Variants in ITCH observed in about 807,000 individuals in gnomAD.
The protein encoded by ITCH is itchy E3 ubiquitin protein ligase.
Under a neutral mutation model 126.8 loss-of-function variants are expected in ITCH, and 28 were observed. The observed-to-expected ratio is 0.22, with a 90% CI of 0.16 to 0.30. The LOEUF (loss-of-function observed/expected upper bound fraction) is 0.30. Ranked by LOEUF, ITCH falls within the 10% of genes least tolerant of loss-of-function variation. The probability of loss-of-function intolerance (pLI) is 1.00; values close to 1 mark genes in which losing one functional copy is unlikely to be tolerated. For missense variants in ITCH, 631 were observed against 1,032.4 expected (o/e 0.61, Z 5.33); for synonymous variants, 342 against 340.0 (o/e 1.01, Z -0.06).
intron 2 of ITCH, among the ~76,000 whole-genome samples, chr20:34,391,161 C>T (rs1404982145): frequency 6.6e-6 from 1 of 152,130 alleles, no homozygotes; most frequent in African/African-American, 2.4e-5. Context: ...TTTTTTTCTA[C>T]TCTGTTTTAT....
intron 5 of ITCH, 42 bp from the exon 6 acceptor site, chr20:34,413,700 G>GA (rs1368344398): frequency 2.5e-6 from 4 of 1,583,882 alleles, no homozygotes; most frequent in Middle Eastern, 1.7e-4. Context: ...CCTTAACTGG[G>GA]AAAAAAGTGA....
At chr20:34,382,750 T>TATTATTATG (rs1156743495) in intron 2 of ITCH, among the ~76,000 whole-genome samples, 7 of 147,868 alleles carry the variant, frequency 4.7e-5, no homozygotes, top group Admixed American at 1.4e-4. Flanking sequence ...TTATTATTAT[T>TATTATTATG]ATTATTATTT....
At chr20:34,503,667 T>C (rs953835548) in intron 23 of ITCH, among the ~76,000 whole-genome samples, 1 of 152,154 alleles carries the variant, frequency 6.6e-6, no homozygotes, top group Non-Finnish European at 1.5e-5. Context: ...ATCATAACAA[T>C]GTGTTATTCC....
intron 3 of ITCH, among the ~76,000 whole-genome samples, chr20:34,394,480 T>A (rs1212651597): frequency 6.6e-6 from 1 of 152,176 alleles, no homozygotes; most frequent in Non-Finnish European, 1.5e-5. Flanking sequence ...TTTATTTACT[T>A]ATAACAATGA....
intron 6 of ITCH, among the ~76,000 whole-genome samples, chr20:34,420,618 A>C (rs962096532): frequency 1.3e-5 from 2 of 152,146 alleles, no homozygotes; most frequent in African/African-American, 4.8e-5. Context: ...AGAATTGCTG[A>C]TGCTTGTTTT....
At chr20:34,489,772 G>C (rs1989383163) in intron 21 of ITCH, 50 bp from the exon 22 acceptor site, 1 of 1,248,242 alleles carries the variant, frequency 8.0e-7, no homozygotes, top group African/African-American at 1.5e-5. Context: ...ATGTCCAGCT[G>C]TTTTTGTACA....
In ITCH at chr20:34,412,536, A is replaced by G. The variant is rs1979187279; in HGVS notation, c.234A>G (p.Lys78=). ...PLTVIVTPVS[K]LHFRVWSHQT... The stretch of plus-strand genomic sequence containing the variant: ...TTAGTATCGTTACCCCTGTGAGTAA[A>G]TTACATTTTCGTGTGTGGAGTCACC... Residue 78 remains lysine, a synonymous_variant, in exon 5 of 25, where the codon AAA becomes AAG. Transcript: ENST00000374864. The G allele has an allele frequency of 6.2e-7, 1 of 1,601,444 alleles. No homozygotes were observed. The highest frequency in any genetic ancestry group is 8.6e-7 in the Non-Finnish European group (1 of 1,168,700).
At chr20:34,385,639 T>A (rs1321363953) in intron 2 of ITCH, among the ~76,000 whole-genome samples, 1 of 152,182 alleles carries the variant, frequency 6.6e-6, no homozygotes, top group Non-Finnish European at 1.5e-5. Flanking sequence ...AGCAAATGAA[T>A]GCTAAAAGTT....
Position 34,508,017 on chromosome 20 carries a change from T to C in ITCH, c.*223T>C. 3 of 501,450 alleles carry C rather than the reference T, an allele frequency of 6.0e-6. No homozygotes were observed. The South Asian group carries it at 6.2e-5, about 10-fold the overall frequency. The allele number at this position is 501,450 out of a possible 1,614,324, so 31.1% of individuals were successfully genotyped here. On this transcript the variant is annotated 3_prime_UTR_variant, in exon 25 of 25. Coordinates refer to ENST00000374864, the MANE Select transcript of ITCH (RefSeq NM_031483.7). Reference sequence around the variant, plus strand: ...AGTCAGAACCTTGCTTAACATGAGATTTTAACACAACAATGAAATTTGCCT... The same window carrying C: ...AGTCAGAACCTTGCTTAACATGAGACTTTAACACAACAATGAAATTTGCCT...
At chr20:34,490,609 C>T in intron 22 of ITCH, among the ~76,000 whole-genome samples, 1 of 152,196 alleles carries the variant, frequency 6.6e-6, no homozygotes, top group Non-Finnish European at 1.5e-5. Flanking sequence ...CACTACTGCA[C>T]TCCAGCCTGG....
intron 12 of ITCH, among the ~76,000 whole-genome samples, chr20:34,456,432 A>G (rs1245087726): frequency 6.7e-6 from 1 of 148,638 alleles, no homozygotes; most frequent in South Asian, 2.1e-4. Context: ...TTTGTTCAAC[A>G]TGTCTCAAAA....
intron 1 of ITCH, among the ~76,000 whole-genome samples, chr20:34,368,042 G>C (rs535980899): frequency 3.3e-5 from 5 of 152,188 alleles, no homozygotes; most frequent in Admixed American, 2.0e-4. Flanking sequence ...AGGCTGAAGC[G>C]GGCAGATCAC....
At chr20:34,370,910 T>G (rs1458970347) in intron 2 of ITCH, among the ~76,000 whole-genome samples, 1 of 152,124 alleles carries the variant, frequency 6.6e-6, no homozygotes, top group Non-Finnish European at 1.5e-5. Flanking sequence ...GGCTCACGCC[T>G]GTAATTCCAG....
intron 3 of ITCH, among the ~76,000 whole-genome samples, chr20:34,406,173 G>A (rs902300682): frequency 2.0e-5 from 3 of 151,572 alleles, no homozygotes; most frequent in Non-Finnish European, 2.9e-5. Context: ...ACAGGTGCAC[G>A]CCATCATGCC....
chr20:34,506,056 C>T (rs1990600737), intron 24 of ITCH, among the ~76,000 whole-genome samples: 1 of 151,976 alleles, frequency 6.6e-6, no homozygotes, highest in Non-Finnish European at 1.5e-5. Flanking sequence ...ATCACCATCA[C>T]CTATCTCCAA....
chr20:34,416,457 C>G (rs1021397985), intron 6 of ITCH, among the ~76,000 whole-genome samples: 1 of 152,100 alleles, frequency 6.6e-6, no homozygotes, highest in Non-Finnish European at 1.5e-5. Flanking sequence ...TTATGAATGT[C>G]ATCTCTCAGT....
chr20:34,375,321 G>A (rs908173617), intron 2 of ITCH, among the ~76,000 whole-genome samples: 13 of 151,210 alleles, frequency 8.6e-5, no homozygotes, highest in African/African-American at 2.7e-4. Context: ...GATTACAGGC[G>A]TGAGCCACCG....
At chr20:34,481,476 A>G (rs1988744207) in intron 20 of ITCH, among the ~76,000 whole-genome samples, 1 of 152,190 alleles carries the variant, frequency 6.6e-6, no homozygotes, top group African/African-American at 2.4e-5. Context: ...AAGAATCTCA[A>G]ATATATATGC....
chr20:34,476,327 T>C, intron 16 of ITCH: 1 of 1,178,520 alleles, frequency 8.5e-7, no homozygotes, highest in Non-Finnish European at 1.2e-6. Flanking sequence ...AGCGGCCGGC[T>C]CGCCTCCGCG....
Sources: allele counts gnomAD v4.1 joint callset (sites outside exome capture counted in the v4.1 genomes callset), GRCh38; gene constraint gnomAD v4.1.1; transcripts MANE v1.5; gene names NCBI Gene and HGNC (gene_info 2026-07-23, HGNC 2026-07-21).